The following LPAR2 variants were observed in gnomAD, a reference collection of about 807,000 sequenced individuals.
The protein encoded by LPAR2 is G protein-coupled receptor.
In LPAR2, 10 loss-of-function variants were observed where a neutral mutation model predicts 15.6. That is an observed-to-expected ratio of 0.64 (90% CI 0.39 to 1.09). LPAR2 has a LOEUF of 1.09. Among genes scored for constraint, LPAR2 ranks in the 50% least tolerant of loss-of-function variants. LPAR2 has a pLI of 0.01. For synonymous variants in LPAR2, 204 were observed against 207.4 expected (o/e 0.98, Z 0.14); for missense variants, 413 against 484.6 (o/e 0.85, Z 1.39).
At position 19,627,067 on chromosome 19, in the gene LPAR2, T is replaced by C; in HGVS notation, c.218A>G (p.Asn73Ser). 1 of 1,613,698 alleles carries C rather than the reference T, an allele frequency of 6.2e-7. No individual in the cohort carries two copies. Among genetic ancestry groups the C allele is most frequent in the South Asian group, 1.1e-5 (1 of 91,074 alleles). Residue 73 changes from asparagine to serine, a missense_variant, in exon 2 of 3, where the codon AAT becomes AGT. By Grantham distance (46) the Asn-to-Ser change is conservative. Transcript: ENST00000407877. This position sits in a 1 kb window ranked among gnomAD's most constrained non-coding sequence, Gnocchi z 4.7. Reference sequence around the variant, plus strand: ...CGCGAAGAGGTCAGCCGCGGCCAGATTGCCGAGCAGGTAGTAGATGGGCTG... The same window carrying C: ...CGCGAAGAGGTCAGCCGCGGCCAGACTGCCGAGCAGGTAGTAGATGGGCTG...
At position 19,626,606 on chromosome 19, in the gene LPAR2, T is replaced by A; in HGVS notation, c.679A>T (p.Ser227Cys). 1.2e-6 allele frequency: 2 copies of A among 1,613,202 alleles called. No individual in the cohort carries two copies. Among genetic ancestry groups the A allele is most frequent in the Non-Finnish European group, 1.7e-6 (2 of 1,179,996 alleles). The change falls in exon 2 of 3, where the codon AGC (serine) becomes TGC (cysteine). Residue 227 changes from serine to cysteine, a missense_variant. Physicochemically the swap from Ser to Cys is moderately radical, Grantham distance 112. Coordinates refer to ENST00000407877, the MANE Select transcript of LPAR2 (RefSeq NM_004720.7). The surrounding 1 kb of genome is among the most constrained non-coding windows in gnomAD (Gnocchi z 5.3). ...GTCTCTCGGTAGCGGGGGTGGCAGCTGACATGCTCTGCCATGCGCTGCACT... is the reference window on the plus strand; with the variant it reads ...GTCTCTCGGTAGCGGGGGTGGCAGCAGACATGCTCTGCCATGCGCTGCACT...
In LPAR2 at chr19:19,624,094, C is replaced by T; in HGVS notation, c.*162G>A. 1.4e-6 allele frequency: 1 copy of T among 719,522 alleles called. No homozygotes were observed. 44.6% of individuals were successfully genotyped at this position (719,522 alleles called of 1,614,324 possible). The stretch of plus-strand genomic sequence containing the variant: ...TGACCCAAAGCCCCCATTCCCTGGG[C>T]AGAGTGGTGTGCCTGGGGAGGCCTG... On this transcript the variant is annotated 3_prime_UTR_variant, in exon 3 of 3. Coordinates refer to ENST00000407877, the MANE Select transcript of LPAR2 (RefSeq NM_004720.7).
intron 2 of LPAR2, among the ~76,000 whole-genome samples, chr19:19,625,095 C>T (rs1159010800): frequency 6.6e-6 from 1 of 151,906 alleles, no homozygotes; most frequent in Non-Finnish European, 1.5e-5. Context: ...GTTGGGATTA[C>T]AGGCATGAGC....
In LPAR2 at chr19:19,626,409, T is replaced by C; in HGVS notation, c.742+134A>G. ...TCTGCTCACATACATTATCACCTCC[T>C]TGGAGGACATTCCCCACCTAAATCA... On this transcript the variant is annotated intron_variant, in intron 2 of 2. Coordinates refer to ENST00000407877, the MANE Select transcript of LPAR2 (RefSeq NM_004720.7). The surrounding 1 kb of genome is among the most constrained non-coding windows in gnomAD (Gnocchi z 5.3). The C allele has an allele frequency of 8.8e-7, 1 of 1,141,416 alleles. No homozygotes were observed. The highest frequency in any genetic ancestry group is 2.4e-5 in the East Asian group (1 of 42,342). 70.7% of individuals were successfully genotyped at this position (1,141,416 alleles called of 1,614,324 possible).
In LPAR2 at chr19:19,624,579, A is replaced by G. The variant is rs2061731105; in HGVS notation, c.743-10T>C. ...CAGACCACGAACGCCCCTGTGGGAC[A>G]GAGGCGGAAGTGAGCAGGGCAAGCT... On this transcript the variant is annotated splice_polypyrimidine_tract_variant and intron_variant, in intron 2 of 2. Transcript: ENST00000407877. 8.9e-6 allele frequency: 14 copies of G among 1,579,614 alleles called. No homozygotes were observed. In the East Asian group the frequency reaches 3.1e-4, roughly 35 times the overall value.
At position 19,626,811 on chromosome 19, in the gene LPAR2, G is replaced by A. The variant is rs1391603025; in HGVS notation, c.474C>T (p.Ala158=). The A allele has an allele frequency of 6.3e-7, 1 of 1,598,884 alleles. No individual in the cohort carries two copies. Among genetic ancestry groups the A allele is most frequent in the East Asian group, 2.3e-5 (1 of 43,680 alleles). ...GGGCAGGCAGCAGCCCCAGGCCCAG[G>A]GCAGCCACCCACACGCCCACAATGA... The change falls in exon 2 of 3, where the codon GCC becomes GCT. Residue 158 remains alanine, a synonymous_variant. Coordinates refer to ENST00000407877, the MANE Select transcript of LPAR2 (RefSeq NM_004720.7). This position sits in a 1 kb window ranked among gnomAD's most constrained non-coding sequence, Gnocchi z 5.3.
Position 19,624,198 on chromosome 19 carries a change from C to A in LPAR2, c.*58G>T, listed in dbSNP as rs886872841. On this transcript the variant is annotated 3_prime_UTR_variant, in exon 3 of 3. Transcript: ENST00000407877. ...GGTTGGGTTGAGCCAGGAGCACCCA[C>A]AAGTCATCAGGGGCTGTGGATTTGT... The A allele has an allele frequency of 5.9e-6, 9 of 1,534,110 alleles. No homozygotes were observed. Among genetic ancestry groups the A allele is most frequent in the Non-Finnish European group, 8.0e-6 (9 of 1,130,642 alleles).
rs2061728028 is a variant in LPAR2 at position 19,624,179 on chromosome 19, G to T, written c.*77C>A. The T allele has an allele frequency of 2.1e-6, 3 of 1,456,510 alleles. No homozygotes were observed. In the South Asian group the frequency reaches 3.8e-5, roughly 18 times the overall value. The allele number at this position is 1,456,510 out of a possible 1,614,324, so 90.2% of individuals were successfully genotyped here. On this transcript the variant is annotated 3_prime_UTR_variant, in exon 3 of 3. Transcript: ENST00000407877. ...CCAGTCAGTCAGTCCTGTTGGTTGG[G>T]TTGAGCCAGGAGCACCCACAAGTCA...
rs2061747743 is a variant in LPAR2 at position 19,627,364 on chromosome 19, C to T, written c.1-80G>A. 8 of 1,405,316 alleles carry T rather than the reference C, an allele frequency of 5.7e-6. No homozygotes were observed. In the Admixed American group the frequency reaches 1.1e-4, roughly 20 times the overall value. 87.1% of individuals were successfully genotyped at this position (1,405,316 alleles called of 1,614,324 possible). The stretch of plus-strand genomic sequence containing the variant: ...GGCGGCAGCTGCAGAGGAGGGTCAG[C>T]GCAGGAAGGACAAGGGTCTCAAATT... On this transcript the variant is annotated intron_variant, in intron 1 of 2. Coordinates refer to ENST00000407877, the MANE Select transcript of LPAR2 (RefSeq NM_004720.7). The surrounding 1 kb of genome is among the most constrained non-coding windows in gnomAD (Gnocchi z 4.7).
intron 2 of LPAR2, 36 bp from the exon 3 acceptor site, chr19:19,624,605 G>C (rs1329808130): frequency 1.3e-6 from 2 of 1,536,188 alleles, no homozygotes; most frequent in South Asian, 1.2e-5. Flanking sequence ...AGGGCAAGCT[G>C]TCAGAGGCCC....
chr19:19,624,630 T>G, intron 2 of LPAR2, 61 bp from the exon 3 acceptor site: 1 of 1,435,492 alleles, frequency 7.0e-7, no homozygotes, highest in Non-Finnish European at 9.5e-7. Context: ...CCTACAGCTC[T>G]CAGTTTGGGG....
At position 19,627,102 on chromosome 19, in the gene LPAR2, G is replaced by A; in HGVS notation, c.183C>T (p.Arg61=). 1 of 1,611,520 alleles carries A rather than the reference G, an allele frequency of 6.2e-7. No homozygotes were observed. The highest frequency in any genetic ancestry group is 2.2e-5 in the East Asian group (1 of 44,840). Residue 61 remains arginine, a synonymous_variant, in exon 2 of 3, where the codon CGC becomes CGT. Coordinates refer to ENST00000407877, the MANE Select transcript of LPAR2 (RefSeq NM_004720.7). The surrounding 1 kb of genome is among the most constrained non-coding windows in gnomAD (Gnocchi z 4.7). ...GGTAGTAGATGGGCTGGTGGAAGCG[G>A]CGGTTGGAGGCGATGGCTGCTATGA...
At position 19,627,215 on chromosome 19, in the gene LPAR2, GCT is replaced by G. The variant is rs771781432; in HGVS notation, c.68_69del (p.Glu23AlafsTer55). 1 of 1,611,706 alleles carries G rather than the reference GCT, an allele frequency of 6.2e-7. No homozygotes were observed. The highest frequency in any genetic ancestry group is 1.7e-5 in the Admixed American group (1 of 60,000). Reference sequence around the variant, plus strand: ...TCCTTGGGCCGCCAGTGGGAGCTGAGCTCTTTGCCACTGTTGTTATAGAAGAA... The same window carrying G: ...TCCTTGGGCCGCCAGTGGGAGCTGAGCTTTGCCACTGTTGTTATAGAAGAA... On this transcript the variant is annotated frameshift_variant, in exon 2 of 3. Transcript: ENST00000407877. LOFTEE classifies it high-confidence loss of function. The surrounding 1 kb of genome is among the most constrained non-coding windows in gnomAD (Gnocchi z 4.7).
chr19:19,625,739 C>T lies in LPAR2; in HGVS notation c.742+804G>A, dbSNP rs570791893. ...CAGAAGTTGCAGTGAGCCGAGATTG[C>T]GCCACTGCACTCCAGCCTGGGTGAC... On this transcript the variant is annotated intron_variant, in intron 2 of 2. Coordinates refer to ENST00000407877, the MANE Select transcript of LPAR2 (RefSeq NM_004720.7). 6.2e-5 allele frequency among the ~76,000 whole-genome samples: 9 copies of T among 146,236 alleles called. No individual in the cohort carries two copies. The South Asian group carries it at 6.6e-4, about 11-fold the overall frequency.
rs748241023 is a variant in LPAR2 at position 19,627,132 on chromosome 19, C to T, written c.153G>A (p.Leu51=). 6.8e-6 allele frequency: 11 copies of T among 1,612,998 alleles called. No homozygotes were observed. The highest frequency in any genetic ancestry group is 9.3e-6 in the Non-Finnish European group (11 of 1,179,780). Residue 51 remains leucine, a synonymous_variant, in exon 2 of 3, where the codon CTG becomes CTA. Coordinates refer to ENST00000407877, the MANE Select transcript of LPAR2 (RefSeq NM_004720.7). The surrounding 1 kb of genome is among the most constrained non-coding windows in gnomAD (Gnocchi z 4.7). The stretch of plus-strand genomic sequence containing the variant: ...TGGAGGCGATGGCTGCTATGACCAG[C>T]AGATTGGTCAGCAGCACCAGCACGC...
At position 19,628,203 on chromosome 19, in the gene LPAR2, T is replaced by C. The variant is rs1446759885; in HGVS notation, c.-112A>G. 3 of 151,910 alleles carry C rather than the reference T, an allele frequency of 2.0e-5. No individual in the cohort carries two copies. Among genetic ancestry groups the C allele is most frequent in the Non-Finnish European group, 4.4e-5 (3 of 67,974 alleles). The allele number at this position is 151,910 out of a possible 1,614,324, so 9.4% of individuals were successfully genotyped here. ...AGCGGTAGAGCGTCCGGGTGCGCCCTGTGCGGGTTGCTGAGAGGGCGCGGG... is the reference window on the plus strand; with the variant it reads ...AGCGGTAGAGCGTCCGGGTGCGCCCCGTGCGGGTTGCTGAGAGGGCGCGGG... On this transcript the variant is annotated 5_prime_UTR_variant, in exon 1 of 3. Coordinates refer to ENST00000407877, the MANE Select transcript of LPAR2 (RefSeq NM_004720.7).
In LPAR2 at chr19:19,627,161, C is replaced by T. The variant is rs575876718; in HGVS notation, c.124G>A (p.Val42Ile). The change falls in exon 2 of 3, where the codon GTC becomes ATC. Residue 42 changes from valine (V) to isoleucine (I), a missense_variant. By Grantham distance (29) the Val-to-Ile change is conservative (BLOSUM62 3). Coordinates refer to ENST00000407877, the MANE Select transcript of LPAR2 (RefSeq NM_004720.7). This position sits in a 1 kb window ranked among gnomAD's most constrained non-coding sequence, Gnocchi z 4.7. ...TTGGTCAGCAGCACCAGCACGCTGA[C>T]GGTCAGCCCCAGTGCCACCACGACC... The T allele has an allele frequency of 3.1e-6, 5 of 1,613,220 alleles. No homozygotes were observed. The African/African-American group carries it at 4.0e-5, about 13-fold the overall frequency.
rs779109213 is a variant in LPAR2 at position 19,624,356 on chromosome 19, G to A, written c.956C>T (p.Thr319Ile). 1 of 1,614,258 alleles carries A rather than the reference G, an allele frequency of 6.2e-7. No homozygotes were observed. Among genetic ancestry groups the A allele is most frequent in the Non-Finnish European group, 8.5e-7 (1 of 1,180,050 alleles). Residue 319 changes from threonine to isoleucine, a missense_variant, in exon 3 of 3, where the codon ACC (threonine) becomes ATC (isoleucine). Transcript: ENST00000407877. Reference sequence around the variant, plus strand: ...GGATGTATAGTGGACAGACTCGCGGGTGGACTGGCGGAGGCACGCGCAGCA... The same window carrying A: ...GGATGTATAGTGGACAGACTCGCGGATGGACTGGCGGAGGCACGCGCAGCA...
At position 19,626,519 on chromosome 19, in the gene LPAR2, T is replaced by C. The variant is rs767637233; in HGVS notation, c.742+24A>G. 3 of 1,568,042 alleles carry C rather than the reference T, an allele frequency of 1.9e-6. No individual in the cohort carries two copies. In the Admixed American group the frequency reaches 5.5e-5, roughly 29 times the overall value. ...GAGATAGGGGGAAGCAGGGTCCCTGTTGCCCCCTGGGGGCCCCACTTACCC... is the reference window on the plus strand; with the variant it reads ...GAGATAGGGGGAAGCAGGGTCCCTGCTGCCCCCTGGGGGCCCCACTTACCC... On this transcript the variant is annotated intron_variant, in intron 2 of 2. Coordinates refer to ENST00000407877, the MANE Select transcript of LPAR2 (RefSeq NM_004720.7). This position sits in a 1 kb window ranked among gnomAD's most constrained non-coding sequence, Gnocchi z 5.3.
Sources: allele counts gnomAD v4.1 joint callset (sites outside exome capture counted in the v4.1 genomes callset), GRCh38; gene constraint gnomAD v4.1.1; non-coding constraint Gnocchi (gnomAD v3.1); transcripts MANE v1.5; gene names NCBI Gene and HGNC (gene_info 2026-07-23, HGNC 2026-07-21).